Variants in KCNMB1 observed in about 807,000 individuals in gnomAD.
The protein encoded by KCNMB1 is calcium-activated potassium channel subunit beta-1.
Under a neutral mutation model 21.7 loss-of-function variants are expected in KCNMB1, and 22 were observed. That is an observed-to-expected ratio of 1.01 (90% CI 0.72 to 1.45). The LOEUF is 1.45. KCNMB1 is among the 40% of genes most tolerant of loss of function. The pLI is 0.00. For missense variants in KCNMB1, 243 were observed against 243.4 expected, an observed-to-expected ratio of 1.00 and a Z score of 0.01; for synonymous variants, 114 against 107.6, an observed-to-expected ratio of 1.06 and a Z score of -0.37.
rs1168593419 is a variant in KCNMB1 at position 170,376,503 on chromosome 5, C to G, written c.*2201G>C. 1.3e-5 allele frequency: 2 copies of G among 151,986 alleles called. No individual in the cohort carries two copies. The highest frequency in any genetic ancestry group is 1.5e-5 in the Non-Finnish European group (1 of 67,994). 9.4% of individuals were successfully genotyped at this position (151,986 alleles called of 1,614,324 possible). ...CTAACAATAGCTCTTTTTCCCTGAT[C>G]CTCTCCCTCCTCCTACCTCCCGCCC... is the stretch of plus-strand genomic sequence containing the variant. On this transcript the variant is annotated 3_prime_UTR_variant, in exon 4 of 4. Transcript: ENST00000274629.
chr5:170,381,496 C>T (rs876682), intron 3 of KCNMB1, among the ~76,000 whole-genome samples: 68,815 of 152,066 alleles, frequency 0.45, 16,370 homozygotes, highest in African/African-American at 0.6. Context: ...GAGCCCCAGC[C>T]ACTTGAACCC....
In KCNMB1 at chr5:170,383,970, CTT is replaced by C. The variant is rs1423198341; in HGVS notation, c.135-122_135-121del. 7 of 971,038 alleles carry C rather than the reference CTT, an allele frequency of 7.2e-6. No homozygotes were observed. In the African/African-American group the frequency reaches 1.1e-4, roughly 16 times the overall value. 60.2% of individuals were successfully genotyped at this position (971,038 alleles called of 1,614,324 possible). The stretch of plus-strand genomic sequence containing the variant: ...AGGGATCCAGGACTGGGATCCTCAT[CTT>C]GTCTTCAGCATCCAGCAATAAAGGC... On this transcript the variant is annotated intron_variant, in intron 2 of 3. Coordinates refer to ENST00000274629, the MANE Select transcript of KCNMB1 (RefSeq NM_004137.4).
At chr5:170,382,051 C>T (rs7725170) in intron 3 of KCNMB1, among the ~76,000 whole-genome samples, 6 of 152,150 alleles carry the variant, frequency 3.9e-5, no homozygotes, top group East Asian at 3.9e-4. Context: ...TGCCCCTTCC[C>T]GTCCCATCAG....
intron 1 of KCNMB1, among the ~76,000 whole-genome samples, chr5:170,388,356 G>C (rs1372848871): frequency 6.6e-6 from 1 of 152,206 alleles, no homozygotes; most frequent in African/African-American, 2.4e-5. Context: ...GAGAACCTTT[G>C]GCGGGAGGAA....
At chr5:170,387,988 G>T (rs1233966372) in intron 1 of KCNMB1, among the ~76,000 whole-genome samples, 2 of 151,980 alleles carry the variant, frequency 1.3e-5, no homozygotes, top group Non-Finnish European at 2.9e-5. Context: ...CACCTGTGGG[G>T]GCTTCCTGTG....
intron 1 of KCNMB1, among the ~76,000 whole-genome samples, chr5:170,388,528 G>A (rs888004356): frequency 6.6e-6 from 1 of 152,204 alleles, no homozygotes. Flanking sequence ...CATTTAGAAA[G>A]GTCACTTGAG....
chr5:170,383,491 G>A (rs1196779779), intron 3 of KCNMB1, 188 bp downstream of exon 3: 20 of 664,966 alleles, frequency 3.0e-5, no homozygotes, highest in Non-Finnish European at 4.0e-5. Flanking sequence ...GCCAGTTAGC[G>A]GCAGATTCAA....
At chr5:170,387,058 G>A (rs189055576) in intron 1 of KCNMB1, among the ~76,000 whole-genome samples, 232 of 152,192 alleles carry the variant, frequency 1.5e-3, no homozygotes, top group African/African-American at 5.4e-3. Flanking sequence ...CCATGGTTCC[G>A]CAAGCTGTCC....
At chr5:170,387,311 C>A (rs115666412) in intron 1 of KCNMB1, among the ~76,000 whole-genome samples, 2,457 of 152,202 alleles carry the variant, frequency 0.016, 53 homozygotes, top group African/African-American at 0.056. Flanking sequence ...GGTGACAGGC[C>A]TTAGTCCAAA....
In KCNMB1 at chr5:170,375,559, GCCCC is replaced by G. The variant is rs879715343; in HGVS notation, c.*3141_*3144del. 3,663 of 131,412 alleles carry G rather than the reference GCCCC, an allele frequency of 0.028. 98 individuals are homozygous for G. The highest frequency in any genetic ancestry group is 0.071 in the African/African-American group (2,470 of 34,766). The allele number at this position is 131,412 out of a possible 1,614,324, so 8.1% of individuals were successfully genotyped here. On this transcript the variant is annotated 3_prime_UTR_variant, in exon 4 of 4. Coordinates refer to ENST00000274629, the MANE Select transcript of KCNMB1 (RefSeq NM_004137.4). Reference sequence around the variant, plus strand: ...CCCTCAGCCCTTCACAGCTGGCTCTGCCCCTCAGCCCTTCACAGCTGGCTCTGCC... The same window carrying G: ...CCCTCAGCCCTTCACAGCTGGCTCTGTCAGCCCTTCACAGCTGGCTCTGCC...
At chr5:170,387,692 C>T (rs965058806) in intron 1 of KCNMB1, among the ~76,000 whole-genome samples, 3 of 152,232 alleles carry the variant, frequency 2.0e-5, no homozygotes, top group African/African-American at 7.2e-5. Context: ...CCTTTTCCTC[C>T]TGTTCTGTGA....
At chr5:170,388,697 C>T (rs1764587398) in intron 1 of KCNMB1, among the ~76,000 whole-genome samples, 1 of 152,146 alleles carries the variant, frequency 6.6e-6, no homozygotes, top group Admixed American at 6.5e-5. Context: ...CAGGGCGATT[C>T]TGAGGTCCTC....
At chr5:170,383,107 G>C in intron 3 of KCNMB1, 1 of 167,432 alleles carries the variant, frequency 6.0e-6, no homozygotes, top group Non-Finnish European at 1.3e-5. Flanking sequence ...GAAAGGATAT[G>C]GTGGTGAGTT....
chr5:170,384,535 T>C (rs314116), intron 2 of KCNMB1, among the ~76,000 whole-genome samples: 71,681 of 151,960 alleles, frequency 0.47, 16,988 homozygotes, highest in Admixed American at 0.52. Flanking sequence ...GGCTAACAGG[T>C]TCATCAACAT....
chr5:170,381,788 A>C (rs532089358), intron 3 of KCNMB1, among the ~76,000 whole-genome samples: 2 of 152,196 alleles, frequency 1.3e-5, no homozygotes, highest in Non-Finnish European at 2.9e-5. Flanking sequence ...TCACTCCCGG[A>C]GAATGTTACC....
chr5:170,387,281 G>A (rs973786770), intron 1 of KCNMB1, among the ~76,000 whole-genome samples: 2 of 152,138 alleles, frequency 1.3e-5, no homozygotes, highest in African/African-American at 2.4e-5. Context: ...GTTTTTGTTT[G>A]TTTAATTAGC....
intron 3 of KCNMB1, among the ~76,000 whole-genome samples, chr5:170,381,615 G>A (rs1764244512): frequency 6.6e-6 from 1 of 152,210 alleles, no homozygotes; most frequent in African/African-American, 2.4e-5. Flanking sequence ...CCTGCTATCA[G>A]CACCACACCT....
intron 1 of KCNMB1, among the ~76,000 whole-genome samples, chr5:170,387,960 C>T (rs1764545102): frequency 6.6e-6 from 1 of 152,350 alleles, no homozygotes; most frequent in Non-Finnish European, 1.5e-5. Flanking sequence ...CCATTTCTCT[C>T]CTGGGGGAAC....
intron 1 of KCNMB1, among the ~76,000 whole-genome samples, chr5:170,386,993 A>C (rs1212062659): frequency 6.6e-6 from 1 of 152,016 alleles, no homozygotes; most frequent in Non-Finnish European, 1.5e-5. Context: ...ACAGCCCCTC[A>C]ATCTATGCCG....
Sources: allele counts gnomAD v4.1 joint callset (sites outside exome capture counted in the v4.1 genomes callset), GRCh38; gene constraint gnomAD v4.1.1; transcripts MANE v1.5; gene names NCBI Gene and HGNC (gene_info 2026-07-23, HGNC 2026-07-21).